DIP2B: variants seen among roughly 807,000 people sequenced by gnomAD.
DIP2B encodes disco-interacting protein 2 homolog B.
Under a neutral mutation model 198.0 loss-of-function variants are expected in DIP2B, and 76 were observed. That is an observed-to-expected ratio of 0.38 (90% CI 0.32 to 0.46). The LOEUF (loss-of-function observed/expected upper bound fraction) is 0.46. DIP2B is among the 20% of genes least tolerant of loss of function. The pLI is 0.99. For synonymous variants in DIP2B, 701 were observed against 739.1 expected (o/e 0.95, Z 0.84); for missense variants, 1,559 against 1,978.4 (o/e 0.79, Z 4.02).
In DIP2B at chr12:50,723,290, G is replaced by T. The variant is rs368662580; in HGVS notation, c.3255G>T (p.Thr1085=). Reference sequence around the variant, plus strand: ...GACCTCCACATGCTCAGAACCTCACGGCCACGCTGCCCACTGTCCGAATGA... The same window carrying T: ...GACCTCCACATGCTCAGAACCTCACTGCCACGCTGCCCACTGTCCGAATGA... The part of the protein sequence containing the change: ...TVRPPHAQNL[T]ATLPTVRMIV... The change falls in exon 27 of 38, where the codon ACG becomes ACT. Residue 1085 remains threonine (T), a synonymous_variant. Transcript: ENST00000301180. 1.9e-6 allele frequency: 3 copies of T among 1,614,118 alleles called. No individual in the cohort carries two copies. The highest frequency in any genetic ancestry group is 2.2e-5 in the South Asian group (2 of 91,088).
chr12:50,717,251 A>T (rs1394684273), intron 23 of DIP2B, among the ~76,000 whole-genome samples: 1 of 143,024 alleles, frequency 7.0e-6, no homozygotes, highest in Admixed American at 7.0e-5. Context: ...GGCCTTGCTG[A>T]CATTTTTTTC....
chr12:50,721,060 C>T (rs1192769747), intron 25 of DIP2B, among the ~76,000 whole-genome samples: 4 of 152,224 alleles, frequency 2.6e-5, no homozygotes, highest in Non-Finnish European at 5.9e-5. Context: ...GCTCCCACCT[C>T]ATCCTCCCAA....
At chr12:50,550,992 G>T (rs1958422751) in intron 1 of DIP2B, among the ~76,000 whole-genome samples, 1 of 151,886 alleles carries the variant, frequency 6.6e-6, no homozygotes, top group Non-Finnish European at 1.5e-5. Flanking sequence ...GAGAGGCTGA[G>T]GTGGAAGAAT....
At chr12:50,734,348 A>G in intron 33 of DIP2B, 152 bp downstream of exon 33, 1 of 718,998 alleles carries the variant, frequency 1.4e-6, no homozygotes, top group Non-Finnish European at 2.3e-6. Context: ...TCATTAATAC[A>G]TAAGATTTAC....
chr12:50,670,783 C>T (rs1270057598), intron 4 of DIP2B, among the ~76,000 whole-genome samples: 1 of 152,070 alleles, frequency 6.6e-6, no homozygotes, highest in Non-Finnish European at 1.5e-5. Context: ...TCCTTAGAGA[C>T]TAATAAGTAC....
intron 35 of DIP2B, among the ~76,000 whole-genome samples, chr12:50,738,035 A>C (rs1044703660): frequency 6.6e-6 from 1 of 152,076 alleles, no homozygotes; most frequent in African/African-American, 2.4e-5. Context: ...CAGTTTCCTC[A>C]TCCATAAATA....
rs1939244789 is a variant in DIP2B at position 50,692,840 on chromosome 12, A to G, written c.1655-109A>G. ...TGACAGAGGTGAGACTCCATCTAAA[A>G]GAAAAAGCAAACAAACATCAAATCA... On this transcript the variant is annotated intron_variant, in intron 13 of 37. Transcript: ENST00000301180. The G allele has an allele frequency of 7.2e-6, 7 of 969,108 alleles. No individual in the cohort carries two copies. The South Asian group carries it at 8.8e-5, about 12-fold the overall frequency. The allele number at this position is 969,108 out of a possible 1,614,324, so 60.0% of individuals were successfully genotyped here.
intron 4 of DIP2B, among the ~76,000 whole-genome samples, chr12:50,665,340 G>A (rs1938731133): frequency 6.6e-6 from 1 of 152,142 alleles, no homozygotes; most frequent in African/African-American, 2.4e-5. Context: ...AAGGAAATAA[G>A]CAAGTTCATA....
At chr12:50,634,973 CCA>C (rs1938130345) in intron 2 of DIP2B, among the ~76,000 whole-genome samples, 1 of 152,100 alleles carries the variant, frequency 6.6e-6, no homozygotes, top group Non-Finnish European at 1.5e-5. Flanking sequence ...CAACTTGTTT[CCA>C]CCCTCAATAG....
chr12:50,640,075 G>A (rs1475967260), intron 2 of DIP2B, among the ~76,000 whole-genome samples: 6 of 152,078 alleles, frequency 3.9e-5, no homozygotes, highest in East Asian at 3.9e-4. Context: ...TTTTGTTAAC[G>A]TACATCTCGT....
At chr12:50,559,324 T>C (rs1958498039) in intron 1 of DIP2B, among the ~76,000 whole-genome samples, 1 of 151,580 alleles carries the variant, frequency 6.6e-6, no homozygotes, top group African/African-American at 2.4e-5. Context: ...TTTTTTTTTT[T>C]TTTTTTTGCT....
Position 50,631,988 on chromosome 12 carries a change from G to C in DIP2B, c.172+5941G>C, listed in dbSNP as rs1344009846. On this transcript the variant is annotated intron_variant, in intron 2 of 37. Coordinates refer to ENST00000301180, the MANE Select transcript of DIP2B (RefSeq NM_173602.3). ...AATTTTGAAGGAAGCCATTTAATTT[G>C]ACTTTTTTTTTTTTTTTCCTAAATA... Among the ~76,000 whole-genome samples the C allele has an allele frequency of 5.4e-5, 8 of 148,876 alleles. No individual in the cohort carries two copies. In the East Asian group the frequency reaches 1.4e-3, roughly 26 times the overall value.
intron 1 of DIP2B, among the ~76,000 whole-genome samples, chr12:50,527,892 G>GAAAA (rs2139360169): frequency 6.6e-6 from 1 of 150,494 alleles, no homozygotes; most frequent in East Asian, 1.9e-4. Context: ...TTCAGTTGTG[G>GAAAA]AAAAAAGTGC....
At chr12:50,571,705 A>G (rs1188348536) in intron 1 of DIP2B, among the ~76,000 whole-genome samples, 1 of 151,980 alleles carries the variant, frequency 6.6e-6, no homozygotes, top group Non-Finnish European at 1.5e-5. Flanking sequence ...GGCGTGTGCC[A>G]CCACGCCTGG....
rs1259098409 is a variant in DIP2B at position 50,600,048 on chromosome 12, C to T, written c.101-25928C>T. On this transcript the variant is annotated intron_variant, in intron 1 of 37. Transcript: ENST00000301180. ...CCTTTGTTTTTAATTAGTAAGCTAC[C>T]TCAAATGTCAGAGATGGTGCAACTT... is the stretch of plus-strand genomic sequence containing the variant. Among the ~76,000 whole-genome samples the T allele has an allele frequency of 3.3e-5, 5 of 152,118 alleles. No individual in the cohort carries two copies. In the South Asian group the frequency reaches 8.3e-4, roughly 25 times the overall value.
intron 1 of DIP2B, among the ~76,000 whole-genome samples, chr12:50,525,379 A>G (rs1179619668): frequency 6.7e-6 from 1 of 149,180 alleles, no homozygotes; most frequent in Non-Finnish European, 1.5e-5. Context: ...AAAAAAATAC[A>G]GAGAATACCG....
intron 2 of DIP2B, among the ~76,000 whole-genome samples, chr12:50,633,054 C>G (rs1207543710): frequency 6.6e-6 from 1 of 152,104 alleles, no homozygotes; most frequent in Non-Finnish European, 1.5e-5. Context: ...TCTGGGATTA[C>G]AGGTGTGAGC....
intron 1 of DIP2B, among the ~76,000 whole-genome samples, chr12:50,527,665 G>A (rs1371408507): frequency 5.9e-5 from 9 of 152,234 alleles, no homozygotes; most frequent in South Asian, 2.1e-4. Flanking sequence ...AACTATGATC[G>A]TGCCACTACA....
At chr12:50,737,883 C>T (rs1940166532) in intron 35 of DIP2B, among the ~76,000 whole-genome samples, 2 of 152,148 alleles carry the variant, frequency 1.3e-5, no homozygotes, top group African/African-American at 4.8e-5. Flanking sequence ...CCCCCATGCC[C>T]AGCCTCCCCA....
Sources: allele counts gnomAD v4.1 joint callset (sites outside exome capture counted in the v4.1 genomes callset), GRCh38; gene constraint gnomAD v4.1.1; transcripts MANE v1.5; gene names NCBI Gene and HGNC (gene_info 2026-07-23, HGNC 2026-07-21).